The following DLK1 variants were observed in gnomAD, a reference collection of about 807,000 sequenced individuals.
DLK1 encodes delta like non-canonical Notch ligand 1.
In DLK1, 9 loss-of-function variants were observed where a neutral mutation model predicts 35.2. The observed-to-expected ratio is 0.26, with a 90% CI of 0.15 to 0.45. The LOEUF (loss-of-function observed/expected upper bound fraction) is 0.45, where lower values mean the gene tolerates loss of function less well. Among genes scored for constraint, DLK1 ranks in the 20% least tolerant of loss-of-function variants. The pLI is 1.00. For synonymous variants in DLK1, 231 were observed against 228.4 expected, an observed-to-expected ratio of 1.01 and a Z score of -0.10; for missense variants, 522 against 528.5, an observed-to-expected ratio of 0.99 and a Z score of 0.12.
chr14:100,733,918 A>AC (rs1195193944), intron 4 of DLK1, among the ~76,000 whole-genome samples: 2 of 21,840 alleles, frequency 9.2e-5, no homozygotes, highest in African/African-American at 3.7e-4. Context: ...GCACCCACCC[A>AC]CCCACCCCCA....
chr14:100,734,475 G>A lies in DLK1; in HGVS notation c.731G>A (p.Cys244Tyr). 2 of 1,611,582 alleles carry A rather than the reference G, an allele frequency of 1.2e-6. No homozygotes were observed. Among genetic ancestry groups the A allele is most frequent in the East Asian group, 2.2e-5 (1 of 44,798 alleles). ...AAGCCCGAGTTCACAGGTCTCACCT[G>A]TGTCAAGAAGCGCGCGCTGAGCCCC... ...LCKPEFTGLT[C>Y]VKKRALSPQQ... is the part of the protein sequence containing the mutation. The change falls in exon 5 of 5, where the codon TGT (cysteine) becomes TAT (tyrosine). Residue 244 changes from cysteine to tyrosine, a missense_variant. By Grantham distance (194) the Cys-to-Tyr change is radical (BLOSUM62 -2). Coordinates refer to ENST00000341267, the MANE Select transcript of DLK1 (RefSeq NM_003836.7). This position sits in a 1 kb window ranked among gnomAD's most constrained non-coding sequence, Gnocchi z 7.4.
At chr14:100,728,881 C>T (rs2036472731) in intron 2 of DLK1, 55 bp from the exon 3 acceptor site, 31 of 1,593,768 alleles carry the variant, frequency 1.9e-5, no homozygotes, top group Middle Eastern at 2.0e-4. Context: ...CCTGAGCTGC[C>T]TCTCTACCCC....
chr14:100,732,270 G>A lies in DLK1; in HGVS notation c.404+87G>A, dbSNP rs2036518779. On this transcript the variant is annotated intron_variant, in intron 4 of 4. Transcript: ENST00000341267. ...CTTTCAGCCTAACCCTGCTGGACCTGTCGTCTGACAAAAGATGAAGTAAGC... is the reference window on the plus strand; with the variant it reads ...CTTTCAGCCTAACCCTGCTGGACCTATCGTCTGACAAAAGATGAAGTAAGC... The A allele has an allele frequency of 2.0e-6, 3 of 1,520,930 alleles. No homozygotes were observed. The South Asian group carries it at 4.0e-5, about 20-fold the overall frequency. 94.2% of individuals were successfully genotyped at this position (1,520,930 alleles called of 1,614,324 possible). A position where few individuals can be genotyped will look rare whatever the true frequency, so the allele number is the denominator to read the frequency against.
chr14:100,734,953 C>A lies in DLK1; in HGVS notation c.*57C>A. The A allele has an allele frequency of 3.3e-6, 5 of 1,516,866 alleles. No homozygotes were observed. Among genetic ancestry groups the A allele is most frequent in the African/African-American group, 1.4e-5 (1 of 72,246 alleles). The allele number at this position is 1,516,866 out of a possible 1,614,324, so 94.0% of individuals were successfully genotyped here. On this transcript the variant is annotated 3_prime_UTR_variant, in exon 5 of 5. Transcript: ENST00000341267. This position sits in a 1 kb window ranked among gnomAD's most constrained non-coding sequence, Gnocchi z 7.4. ...GGAGTTCCGCAGAGCTTACTATACG[C>A]GGTCTGTCCTAATCTTTGTGGTGTT...
At chr14:100,727,847 C>T (rs1370407931) in intron 1 of DLK1, among the ~76,000 whole-genome samples, 1 of 151,900 alleles carries the variant, frequency 6.6e-6, no homozygotes, top group African/African-American at 2.4e-5. Context: ...TTTTTTAATG[C>T]GAAGAGTCTG....
At chr14:100,727,193 C>T (rs1410651297) in intron 1 of DLK1, 58 bp downstream of exon 1, 3 of 1,477,704 alleles carry the variant, frequency 2.0e-6, no homozygotes, top group African/African-American at 1.4e-5. Flanking sequence ...GACTCCCCGC[C>T]GGCCGCCCGG....
chr14:100,734,040 C>T lies in DLK1; in HGVS notation c.405-109C>T. 2.2e-6 allele frequency: 3 copies of T among 1,393,480 alleles called. No homozygotes were observed. Among genetic ancestry groups the T allele is most frequent in the Non-Finnish European group, 2.9e-6 (3 of 1,047,460 alleles). 86.3% of individuals were successfully genotyped at this position (1,393,480 alleles called of 1,614,324 possible). On this transcript the variant is annotated intron_variant, in intron 4 of 4. Transcript: ENST00000341267. This position sits in a 1 kb window ranked among gnomAD's most constrained non-coding sequence, Gnocchi z 7.4. ...CCTCATTCACCTGATGTGTTTTAAG[C>T]ACCTGCCCCTTAGTCAGGCCAGGGA... is the stretch of plus-strand genomic sequence containing the variant.
At position 100,736,197 on chromosome 14, in the gene DLK1, C is replaced by G. The variant is rs373835347; in HGVS notation, c.*1301C>G. On this transcript the variant is annotated 3_prime_UTR_variant, in exon 5 of 5. Coordinates refer to ENST00000341267, the MANE Select transcript of DLK1 (RefSeq NM_003836.7). Reference sequence around the variant, plus strand: ...TTTTTTTTTTTTTAACAAAGAGCATCTATCTTTTTTGCAAAAATAGAAAGA... The same window carrying G: ...TTTTTTTTTTTTTAACAAAGAGCATGTATCTTTTTTGCAAAAATAGAAAGA... The G allele has an allele frequency of 6.7e-5, 10 of 149,200 alleles. No homozygotes were observed. The East Asian group carries it at 1.8e-3, about 26-fold the overall frequency. The allele number at this position is 149,200 out of a possible 1,614,324, so 9.2% of individuals were successfully genotyped here. A position where few individuals can be genotyped will look rare whatever the true frequency, so the allele number is the denominator to read the frequency against.
rs1386883966 is a variant in DLK1, at chr14:100,735,988, C to A, written c.*1092C>A. 3.3e-5 allele frequency: 5 copies of A among 152,054 alleles called. No individual in the cohort carries two copies. The highest frequency in any genetic ancestry group is 1.3e-4 in the Admixed American group (2 of 15,258). The allele number at this position is 152,054 out of a possible 1,614,324, so 9.4% of individuals were successfully genotyped here. On this transcript the variant is annotated 3_prime_UTR_variant, in exon 5 of 5. Coordinates refer to ENST00000341267, the MANE Select transcript of DLK1 (RefSeq NM_003836.7). ...CCCTGGCAGAATCTGAGCAGCAACA[C>A]AGCCCTCACCAAGGTTTTCACAGGG...
At chr14:100,727,640 T>C (rs1431618667) in intron 1 of DLK1, among the ~76,000 whole-genome samples, 2 of 152,108 alleles carry the variant, frequency 1.3e-5, no homozygotes, top group Non-Finnish European at 2.9e-5. Flanking sequence ...CGGCCATCTG[T>C]CTCTGACAGC....
At chr14:100,728,847 G>A in intron 2 of DLK1, 89 bp from the exon 3 acceptor site, 20 of 1,539,136 alleles carry the variant, frequency 1.3e-5, no homozygotes, top group Non-Finnish European at 1.6e-5. Flanking sequence ...GACCCCCAAG[G>A]GTCCTTGGTT....
chr14:100,730,406 C>A (rs1296140613), intron 3 of DLK1, among the ~76,000 whole-genome samples: 2 of 152,198 alleles, frequency 1.3e-5, no homozygotes, highest in East Asian at 3.9e-4. Context: ...ATGTCCCCTC[C>A]CCACCAAGTT....
chr14:100,735,081 T>C lies in DLK1; in HGVS notation c.*185T>C. 2 of 604,926 alleles carry C rather than the reference T, an allele frequency of 3.3e-6. No individual in the cohort carries two copies. Among genetic ancestry groups the C allele is most frequent in the Non-Finnish European group, 5.3e-6 (2 of 377,256 alleles). 37.5% of individuals were successfully genotyped at this position (604,926 alleles called of 1,614,324 possible). On this transcript the variant is annotated 3_prime_UTR_variant, in exon 5 of 5. Coordinates refer to ENST00000341267, the MANE Select transcript of DLK1 (RefSeq NM_003836.7). The stretch of plus-strand genomic sequence containing the variant: ...GCAAAAACAATCCTCTTTCTCTCTC[T>C]TAATGCATGATACAGAATAATAATA...
chr14:100,735,087 C>T lies in DLK1; in HGVS notation c.*191C>T, dbSNP rs2036557525. 3 of 561,378 alleles carry T rather than the reference C, an allele frequency of 5.3e-6. No homozygotes were observed. The highest frequency in any genetic ancestry group is 1.9e-5 in the African/African-American group (1 of 52,640). 34.8% of individuals were successfully genotyped at this position (561,378 alleles called of 1,614,324 possible). A position where few individuals can be genotyped will look rare whatever the true frequency, so the allele number is the denominator to read the frequency against. ...ACAATCCTCTTTCTCTCTCTTAATGCATGATACAGAATAATAATAAGAATT... is the reference window on the plus strand; with the variant it reads ...ACAATCCTCTTTCTCTCTCTTAATGTATGATACAGAATAATAATAAGAATT... On this transcript the variant is annotated 3_prime_UTR_variant, in exon 5 of 5. Coordinates refer to ENST00000341267, the MANE Select transcript of DLK1 (RefSeq NM_003836.7).
chr14:100,733,479 C>T (rs1055155230), intron 4 of DLK1, among the ~76,000 whole-genome samples: 1 of 152,228 alleles, frequency 6.6e-6, no homozygotes, highest in African/African-American at 2.4e-5. Flanking sequence ...GGTACAGACG[C>T]TGGCTTGTGC....
In DLK1 at chr14:100,727,095, C is replaced by T. The variant is rs2036443240; in HGVS notation, c.27C>T (p.Arg9=). The change falls in exon 1 of 5, where the codon CGC becomes CGT. Residue 9 remains arginine, a synonymous_variant. Transcript: ENST00000341267. ...TGACCGCGACCGAAGCCCTCCTGCG[C>T]GTCCTCTTGCTCCTGCTGGCTTTCG... MTATEALL[R]VLLLLLAFGH... The T allele has an allele frequency of 1.9e-6, 3 of 1,593,676 alleles. No individual in the cohort carries two copies. The highest frequency in any genetic ancestry group is 8.5e-7 in the Non-Finnish European group (1 of 1,171,226).
At chr14:100,731,175 C>T (rs564291176) in intron 3 of DLK1, among the ~76,000 whole-genome samples, 32 of 152,286 alleles carry the variant, frequency 2.1e-4, no homozygotes, top group Non-Finnish European at 3.8e-4. Context: ...GGCAGCAGGC[C>T]GGATACAGGG....
chr14:100,727,107 C>T lies in DLK1; in HGVS notation c.39C>T (p.Leu13=). 6.3e-7 allele frequency: 1 copy of T among 1,595,184 alleles called. No homozygotes were observed. ...ATEALLRVLL[L]LLAFGHSTYG... ...AAGCCCTCCTGCGCGTCCTCTTGCT[C>T]CTGCTGGCTTTCGGCCACAGCACCT... is the stretch of plus-strand genomic sequence containing the variant. The change falls in exon 1 of 5, where the codon CTC becomes CTT. Residue 13 remains leucine (L), a synonymous_variant. Transcript: ENST00000341267.
At chr14:100,727,263 C>T in intron 1 of DLK1, 128 bp downstream of exon 1, 1 of 973,830 alleles carries the variant, frequency 1.0e-6, no homozygotes, top group Non-Finnish European at 1.4e-6. Context: ...GCCCTAAGCC[C>T]CGCGCTGTGC....
Sources: allele counts gnomAD v4.1 joint callset (sites outside exome capture counted in the v4.1 genomes callset), GRCh38; gene constraint gnomAD v4.1.1; non-coding constraint Gnocchi (gnomAD v3.1); transcripts MANE v1.5; gene names NCBI Gene and HGNC (gene_info 2026-07-23, HGNC 2026-07-21).